The following XIRP2 variants were observed in gnomAD, a reference collection of about 807,000 sequenced individuals.
XIRP2 encodes the protein xin actin binding repeat containing 2.
In XIRP2, 236 loss-of-function variants were observed where a neutral mutation model predicts 277.0. The ratio of observed to expected loss-of-function variants is 0.85; its 90% CI spans 0.77 to 0.95. The LOEUF is 0.95. Ranked by LOEUF, XIRP2 falls within the 40% of genes least tolerant of loss-of-function variation. The pLI, the probability that XIRP2 is intolerant of heterozygous loss-of-function variation, is 0.00. For missense variants in XIRP2, 4,640 were observed against 4,157.5 expected, an observed-to-expected ratio of 1.12 and a Z score of -3.19; for synonymous variants, 1,490 against 1,416.5, an observed-to-expected ratio of 1.05 and a Z score of -1.17.
chr2:166,902,741 A>C (rs373500581), intron 1 of XIRP2, among the ~76,000 whole-genome samples: 3 of 152,002 alleles, frequency 2.0e-5, no homozygotes, highest in African/African-American at 7.2e-5. Flanking sequence ...CTCAAAGTAC[A>C]AAAGATAAAC....
chr2:167,177,149 G>A (rs777166224), intron 3 of XIRP2, among the ~76,000 whole-genome samples: 1 of 152,138 alleles, frequency 6.6e-6, no homozygotes, highest in Non-Finnish European at 1.5e-5. Context: ...ATAATTAATA[G>A]CTCAGCTGTT....
chr2:166,971,655 T>C (rs1686581265), intron 2 of XIRP2, among the ~76,000 whole-genome samples: 1 of 152,120 alleles, frequency 6.6e-6, no homozygotes, highest in Non-Finnish European at 1.5e-5. Flanking sequence ...TTTACAGTGG[T>C]TTTGCAAAGT....
intron 2 of XIRP2, among the ~76,000 whole-genome samples, chr2:166,953,431 G>A (rs1686086883): frequency 6.6e-6 from 1 of 151,970 alleles, no homozygotes; most frequent in Non-Finnish European, 1.5e-5. Flanking sequence ...TGCCATGTAA[G>A]TCATCCCTTT....
At chr2:167,198,917 C>G (rs1381919378) in intron 3 of XIRP2, among the ~76,000 whole-genome samples, 1 of 152,084 alleles carries the variant, frequency 6.6e-6, no homozygotes, top group Non-Finnish European at 1.5e-5. Flanking sequence ...TGGACTTAGG[C>G]AGAGAAAGCA....
intron 2 of XIRP2, among the ~76,000 whole-genome samples, chr2:167,096,085 C>T (rs959521406): frequency 2.7e-5 from 4 of 149,348 alleles, no homozygotes; most frequent in Non-Finnish European, 4.5e-5. Flanking sequence ...GGAAGTCCCT[C>T]TTTTTTTTTA....
intron 2 of XIRP2, among the ~76,000 whole-genome samples, chr2:167,112,862 C>T (rs959134492): frequency 4.0e-5 from 6 of 151,858 alleles, no homozygotes; most frequent in Admixed American, 1.3e-4. Context: ...ATCATGTTGC[C>T]GAAGCTGATC....
intron 2 of XIRP2, among the ~76,000 whole-genome samples, chr2:167,053,313 T>C (rs1292006803): frequency 6.6e-6 from 1 of 152,216 alleles, no homozygotes; most frequent in Non-Finnish European, 1.5e-5. Context: ...ATGTGTTTAT[T>C]TGTAGATATG....
intron 2 of XIRP2, among the ~76,000 whole-genome samples, chr2:167,101,873 T>C (rs1233908977): frequency 6.6e-6 from 1 of 152,174 alleles, no homozygotes; most frequent in African/African-American, 2.4e-5. Flanking sequence ...TATTAATATA[T>C]AGGATATTTG....
At chr2:167,093,016 T>C (rs746371085) in intron 2 of XIRP2, among the ~76,000 whole-genome samples, 8 of 152,154 alleles carry the variant, frequency 5.3e-5, no homozygotes, top group African/African-American at 1.2e-4. Flanking sequence ...AAGTAAACCA[T>C]ATTCGTGGAA....
chr2:166,950,039 A>G (rs1053303890), intron 2 of XIRP2, among the ~76,000 whole-genome samples: 2 of 152,024 alleles, frequency 1.3e-5, no homozygotes. Context: ...ATATAAAAGG[A>G]TATGTCATCA....
chr2:167,184,084 G>T (rs1693092281), intron 3 of XIRP2, among the ~76,000 whole-genome samples: 1 of 152,094 alleles, frequency 6.6e-6, no homozygotes. Context: ...TTGAGGGGGA[G>T]ATTGGCTGTG....
chr2:167,047,586 AG>A (rs1688815508), intron 2 of XIRP2, among the ~76,000 whole-genome samples: 1 of 152,002 alleles, frequency 6.6e-6, no homozygotes, highest in South Asian at 2.1e-4. Flanking sequence ...GAGGATAAAA[AG>A]TTCCTAAGTA....
intron 2 of XIRP2, among the ~76,000 whole-genome samples, chr2:167,015,796 T>A (rs1280042928): frequency 6.6e-6 from 1 of 151,776 alleles, no homozygotes; most frequent in Non-Finnish European, 1.5e-5. Flanking sequence ...GATGTTGGTA[T>A]AATTTGTTCC....
rs184365855 is a variant in XIRP2 at position 166,913,000 on chromosome 2, G to T, written c.408+9110G>T. ...AGAGGGTTACTCGGCCGTGTGAGGT[G>T]TCAATCTGCCCCTACTGGAGGATGC... On this transcript the variant is annotated intron_variant, in intron 2 of 10. Coordinates refer to ENST00000409195, the MANE Select transcript of XIRP2 (RefSeq NM_152381.6). Among the ~76,000 whole-genome samples the T allele has an allele frequency of 3.7e-3, 570 of 152,300 alleles. 1 individual carries two copies. Among genetic ancestry groups the T allele is most frequent in the Non-Finnish European group, 6.2e-3 (422 of 68,016 alleles).
intron 3 of XIRP2, among the ~76,000 whole-genome samples, chr2:167,154,033 A>C (rs1203243923): frequency 1.3e-5 from 2 of 149,490 alleles, no homozygotes; most frequent in Non-Finnish European, 3.0e-5. Context: ...CAACAGTGTA[A>C]AAGTGTTCCT....
At chr2:166,929,529 A>G (rs1401340361) in intron 2 of XIRP2, among the ~76,000 whole-genome samples, 1 of 152,078 alleles carries the variant, frequency 6.6e-6, no homozygotes, top group Non-Finnish European at 1.5e-5. Context: ...TTGTGAGTGG[A>G]TCTTTATAGT....
At chr2:166,962,203 C>A (rs914838519) in intron 2 of XIRP2, among the ~76,000 whole-genome samples, 1 of 151,706 alleles carries the variant, frequency 6.6e-6, no homozygotes, top group Non-Finnish European at 1.5e-5. Context: ...ATCCAAAGGT[C>A]ATCTAAACAG....
intron 2 of XIRP2, among the ~76,000 whole-genome samples, chr2:166,981,578 T>C (rs927837704): frequency 1.3e-5 from 2 of 151,944 alleles, no homozygotes; most frequent in Admixed American, 1.3e-4. Flanking sequence ...CACACTGCCA[T>C]GCCTGGCTAA....
Position 167,249,321 on chromosome 2 carries a change from CCA to C in XIRP2, c.7930_7931del (p.His2644CysfsTer10). ...PETVAAKRLH[H>X]VLAASEDKDK... ...AAACAGTCGCTGCCAAGAGGCTCCA[CCA>C]TGTTTTAGCAGCTTCAGAAGACAAA... is the stretch of plus-strand genomic sequence containing the variant. On this transcript the variant is annotated frameshift_variant, in exon 9 of 11. Transcript: ENST00000409195. LOFTEE classifies it high-confidence loss of function. 1 of 1,613,752 alleles carries C rather than the reference CCA, an allele frequency of 6.2e-7. No individual in the cohort carries two copies. Among genetic ancestry groups the C allele is most frequent in the Non-Finnish European group, 8.5e-7 (1 of 1,179,802 alleles).
Sources: gnomAD v4.1 joint callset for allele counts (sites outside exome capture counted in the v4.1 genomes callset) on GRCh38, gnomAD v4.1.1 for gene constraint, MANE v1.5 for transcripts, NCBI Gene and HGNC (gene_info 2026-07-23, HGNC 2026-07-21) for gene names.